Variants in EYS observed in about 807,000 individuals in gnomAD.
The protein encoded by EYS is EGF-like photoreceptor maintenance factor, also known as protein eyes shut homolog.
In EYS, 250 loss-of-function variants were observed where a neutral mutation model predicts 282.1. The ratio of observed to expected loss-of-function variants is 0.89; its 90% CI spans 0.80 to 0.98. The LOEUF (loss-of-function observed/expected upper bound fraction) is 0.98, where lower values mean the gene tolerates loss of function less well. Among genes scored for constraint, EYS ranks in the 50% least tolerant of loss-of-function variants. The pLI is 0.00. For missense variants in EYS, 4,016 were observed against 3,709.0 expected (o/e 1.08, Z -2.15); for synonymous variants, 1,355 against 1,282.9 (o/e 1.06, Z -1.20).
intron 5 of EYS, among the ~76,000 whole-genome samples, chr6:65,464,205 T>C (rs890010279): frequency 6.6e-6 from 1 of 152,118 alleles, no homozygotes. Flanking sequence ...TGTTATTTTG[T>C]ACATACAACC....
intron 5 of EYS, among the ~76,000 whole-genome samples, chr6:65,431,191 A>G (rs1392761322): frequency 2.0e-5 from 3 of 152,174 alleles, no homozygotes; most frequent in Non-Finnish European, 4.4e-5. Flanking sequence ...GAACTCTTTC[A>G]CCATTTTTGT....
chr6:63,805,372 T>C (rs1437073868), intron 37 of EYS, among the ~76,000 whole-genome samples: 1 of 152,240 alleles, frequency 6.6e-6, no homozygotes, highest in Non-Finnish European at 1.5e-5. Flanking sequence ...GGCTGAGTAC[T>C]TTCTTAATTT....
intron 2 of EYS, among the ~76,000 whole-genome samples, chr6:65,578,905 A>C (rs1466323876): frequency 6.6e-6 from 1 of 152,142 alleles, no homozygotes; most frequent in African/African-American, 2.4e-5. Context: ...AAAGATTACA[A>C]CGTACCCCAT....
rs546662101 is a variant in EYS, at chr6:63,873,362, A to G, written c.7056-9004T>C. Among the ~76,000 whole-genome samples the G allele has an allele frequency of 5.9e-5, 9 of 152,252 alleles. No individual in the cohort carries two copies. In the East Asian group the frequency reaches 9.6e-4, roughly 16 times the overall value. ...CTTTTTTATGGCTGCATAGTATTCC[A>G]TGGTATATATGTGACACATTTTCTT... is the stretch of plus-strand genomic sequence containing the variant. On this transcript the variant is annotated intron_variant, in intron 35 of 42. Coordinates refer to ENST00000503581, the MANE Select transcript of EYS (RefSeq NM_001142800.2).
intron 12 of EYS, among the ~76,000 whole-genome samples, chr6:65,125,185 G>A (rs1775683466): frequency 1.3e-5 from 2 of 152,180 alleles, no homozygotes; most frequent in Admixed American, 6.5e-5. Context: ...TAAACACACT[G>A]TTGTTGGCTT....
chr6:64,193,440 A>G (rs1487265343), intron 31 of EYS, among the ~76,000 whole-genome samples: 2 of 151,710 alleles, frequency 1.3e-5, no homozygotes, highest in African/African-American at 4.8e-5. Context: ...CCTCCCCAGT[A>G]GCTGAGACTA....
At chr6:64,351,146 A>C (rs956206198) in intron 29 of EYS, among the ~76,000 whole-genome samples, 1 of 151,422 alleles carries the variant, frequency 6.6e-6, no homozygotes, top group African/African-American at 2.4e-5. Flanking sequence ...CATCCAGGAA[A>C]TTCAGTTTTC....
chr6:64,559,538 G>A (rs1445545061), intron 26 of EYS, among the ~76,000 whole-genome samples: 1 of 151,958 alleles, frequency 6.6e-6, no homozygotes, highest in African/African-American at 2.4e-5. Flanking sequence ...TGTGGCGATT[G>A]TTGATATATA....
At chr6:63,801,772 GTGGTGGCAGTATT>G (rs1185730049) in intron 37 of EYS, among the ~76,000 whole-genome samples, 1 of 152,194 alleles carries the variant, frequency 6.6e-6, no homozygotes, top group African/African-American at 2.4e-5. Context: ...GAGCTCAATG[GTGGTGGCAGTATT>G]TGGTGGCAGT....
intron 12 of EYS, among the ~76,000 whole-genome samples, chr6:65,113,049 T>A (rs4636006): frequency 0.26 from 39,807 of 151,870 alleles, 6,407 homozygotes; most frequent in African/African-American, 0.45. Context: ...CCACATAATA[T>A]AACTCTCACA....
At chr6:64,390,034 T>C (rs144169499) in intron 28 of EYS, among the ~76,000 whole-genome samples, 4,684 of 150,362 alleles carry the variant, frequency 0.031, 237 homozygotes, top group African/African-American at 0.11. Context: ...GAAAATCGGG[T>C]CACTCCCACC....
intron 33 of EYS, among the ~76,000 whole-genome samples, chr6:64,028,508 G>A (rs1241249813): frequency 6.6e-6 from 1 of 152,104 alleles, no homozygotes; most frequent in East Asian, 1.9e-4. Flanking sequence ...CCTATATCCT[G>A]CTCTCTCAAA....
intron 22 of EYS, among the ~76,000 whole-genome samples, chr6:64,676,282 G>A (rs1459265222): frequency 6.9e-6 from 1 of 144,838 alleles, no homozygotes; most frequent in Non-Finnish European, 1.5e-5. Context: ...CCCTAGAAAA[G>A]TTTCCAATAT....
chr6:64,692,754 C>G (rs1770432705), intron 22 of EYS, among the ~76,000 whole-genome samples: 1 of 152,108 alleles, frequency 6.6e-6, no homozygotes, highest in African/African-American at 2.4e-5. Flanking sequence ...GGAGCCCTTT[C>G]TCCATTGCTT....
chr6:64,596,448 C>A (rs931756521), intron 24 of EYS, among the ~76,000 whole-genome samples: 1 of 152,134 alleles, frequency 6.6e-6, no homozygotes, highest in African/African-American at 2.4e-5. Flanking sequence ...GCATCATACT[C>A]TCTGACTTTA....
chr6:64,542,575 G>C (rs16895478), intron 26 of EYS, among the ~76,000 whole-genome samples: 22,436 of 151,982 alleles, frequency 0.15, 1,751 homozygotes, highest in East Asian at 0.27. Context: ...TGTGAAAGTA[G>C]GTTTTTGAGC....
At chr6:64,777,747 T>G (rs1222272120) in intron 22 of EYS, among the ~76,000 whole-genome samples, 1 of 152,170 alleles carries the variant, frequency 6.6e-6, no homozygotes, top group Non-Finnish European at 1.5e-5. Context: ...CATGAATTTA[T>G]TTTATACTTT....
chr6:64,526,990 A>G (rs1297052991), intron 26 of EYS, among the ~76,000 whole-genome samples: 3 of 151,818 alleles, frequency 2.0e-5, no homozygotes, highest in Non-Finnish European at 4.4e-5. Context: ...CAGAGAGCAG[A>G]TTCCATACTG....
chr6:64,482,737 CT>C (rs1776471721), intron 26 of EYS, among the ~76,000 whole-genome samples: 2 of 151,672 alleles, frequency 1.3e-5, no homozygotes, highest in Admixed American at 1.3e-4. Context: ...AAGAAAAATT[CT>C]TTTTGCTTAC....
Sources: gnomAD v4.1 joint callset for allele counts (sites outside exome capture counted in the v4.1 genomes callset) on GRCh38, gnomAD v4.1.1 for gene constraint, MANE v1.5 for transcripts, NCBI Gene and HGNC (gene_info 2026-07-23, HGNC 2026-07-21) for gene names.